Variants in PATJ observed in about 807,000 individuals in gnomAD.
PATJ encodes PATJ crumbs cell polarity complex component.
A neutral mutation model predicts 224.9 loss-of-function variants in PATJ; 190 were observed. The observed-to-expected ratio is 0.84, with a 90% confidence interval of 0.75 to 0.95. The LOEUF is 0.95. Ranked by LOEUF, PATJ falls within the 40% of genes least tolerant of loss-of-function variation. The pLI is 0.00. For missense variants in PATJ, 2,121 were observed against 2,270.3 expected, an observed-to-expected ratio of 0.93 and a Z score of 1.34; for synonymous variants, 769 against 820.3, an observed-to-expected ratio of 0.94 and a Z score of 1.07.
At chr1:62,120,818 G>C in intron 37 of PATJ, 1 of 193,326 alleles carries the variant, frequency 5.2e-6, no homozygotes, top group Non-Finnish European at 1.0e-5. Context: ...AACCCCAAAT[G>C]AAACATAGTG....
intron 26 of PATJ, among the ~76,000 whole-genome samples, chr1:61,918,626 A>C (rs1673810040): frequency 6.6e-6 from 1 of 151,994 alleles, no homozygotes; most frequent in Non-Finnish European, 1.5e-5. Flanking sequence ...TCTTAACTTT[A>C]ATCATCTCTG....
chr1:61,908,981 C>T (rs1349415150), intron 25 of PATJ, among the ~76,000 whole-genome samples: 1 of 152,048 alleles, frequency 6.6e-6, no homozygotes. Context: ...TAAAATTTTT[C>T]TTTTTCTTCT....
chr1:62,162,840 C>T lies in PATJ; in HGVS notation c.*1786C>T, dbSNP rs1468153555. 3.1e-5 allele frequency: 8 copies of T among 259,268 alleles called. No homozygotes were observed. The highest frequency in any genetic ancestry group is 5.4e-5 in the Non-Finnish European group (7 of 129,294). The allele number at this position is 259,268 out of a possible 1,614,324, so 16.1% of individuals were successfully genotyped here. A position where few individuals can be genotyped will look rare whatever the true frequency, so the allele number is the denominator to read the frequency against. Reference sequence around the variant, plus strand: ...CAGGCGCCTGTAATCCCAGCTACTCCGGAGGTTGAAGCAGGAAAATTGCTT... The same window carrying T: ...CAGGCGCCTGTAATCCCAGCTACTCTGGAGGTTGAAGCAGGAAAATTGCTT... On this transcript the variant is annotated 3_prime_UTR_variant, in exon 44 of 44. Coordinates refer to ENST00000642238, the MANE Select transcript of PATJ (RefSeq NM_001350145.3).
In PATJ at chr1:61,871,412, T is replaced by TAC. The variant is rs1553185926; in HGVS notation, c.2836-3829_2836-3828dup. Among the ~76,000 whole-genome samples, 137 of 103,106 alleles carry TAC rather than the reference T, an allele frequency of 1.3e-3. 8 individuals carry two copies. In the South Asian group the frequency reaches 0.023, roughly 17 times the overall value. The allele number at this position is 103,106 out of a possible 152,430, so 67.6% of individuals were successfully genotyped here. On this transcript the variant is annotated intron_variant, in intron 20 of 43. Coordinates refer to ENST00000642238, the MANE Select transcript of PATJ (RefSeq NM_001350145.3). The stretch of plus-strand genomic sequence containing the variant: ...GTATATATATATATGTGTATATATA[T>TAC]ACATATATATGTACATATATATGTG...
chr1:61,790,822 G>C (rs914619574), intron 8 of PATJ, among the ~76,000 whole-genome samples: 2 of 151,454 alleles, frequency 1.3e-5, no homozygotes, highest in Non-Finnish European at 2.9e-5. Flanking sequence ...CCTCTGCTTA[G>C]CTTCTTACAA....
intron 41 of PATJ, among the ~76,000 whole-genome samples, chr1:62,141,806 T>TA (rs1229191047): frequency 3.9e-5 from 6 of 151,974 alleles, no homozygotes; most frequent in African/African-American, 1.4e-4. Flanking sequence ...CCATCTCTAC[T>TA]AAAAATACAA....
intron 28 of PATJ, among the ~76,000 whole-genome samples, chr1:62,015,566 T>C (rs1646726546): frequency 6.6e-6 from 1 of 152,030 alleles, no homozygotes; most frequent in Non-Finnish European, 1.5e-5. Context: ...GGACTCTCAC[T>C]CTGTCACCTA....
At chr1:61,754,306 C>G (rs559978719) in intron 1 of PATJ, among the ~76,000 whole-genome samples, 6 of 152,166 alleles carry the variant, frequency 3.9e-5, no homozygotes, top group African/African-American at 1.4e-4. Flanking sequence ...ATGACCATAC[C>G]CTGAGTGAGA....
chr1:61,827,678 T>G (rs1658520772), intron 16 of PATJ, 95 bp downstream of exon 16: 1 of 1,143,816 alleles, frequency 8.7e-7, no homozygotes, highest in Admixed American at 2.6e-5. Context: ...GGGAAACCAT[T>G]CCACTCTGCT....
intron 20 of PATJ, among the ~76,000 whole-genome samples, chr1:61,869,231 CA>C (rs1665924591): frequency 6.8e-6 from 1 of 148,118 alleles, no homozygotes; most frequent in Admixed American, 6.7e-5. Context: ...CTCAGCCTCC[CA>C]AGTAGCTGGG....
chr1:61,764,765 C>A (rs1025899787), intron 3 of PATJ, among the ~76,000 whole-genome samples: 1 of 152,056 alleles, frequency 6.6e-6, no homozygotes, highest in South Asian at 2.1e-4. Flanking sequence ...TTTCTTTAGA[C>A]CAGAATTTAT....
chr1:61,986,325 T>G (rs760215136), intron 27 of PATJ, among the ~76,000 whole-genome samples: 1 of 152,154 alleles, frequency 6.6e-6, no homozygotes, highest in Non-Finnish European at 1.5e-5. Flanking sequence ...GATTTTAAAA[T>G]GTACCAACTT....
At chr1:61,953,792 C>G (rs1425286062) in intron 27 of PATJ, among the ~76,000 whole-genome samples, 3 of 152,114 alleles carry the variant, frequency 2.0e-5, no homozygotes, top group Non-Finnish European at 4.4e-5. Flanking sequence ...TTTTAAAAAT[C>G]TATTTCTCCA....
chr1:61,788,399 T>C (rs1347706960), intron 8 of PATJ, among the ~76,000 whole-genome samples: 1 of 151,992 alleles, frequency 6.6e-6, no homozygotes, highest in African/African-American at 2.4e-5. Flanking sequence ...AGTTATTATT[T>C]TAAATTATCA....
At chr1:61,869,165 G>GAT (rs1665894343) in intron 20 of PATJ, among the ~76,000 whole-genome samples, 2 of 140,692 alleles carry the variant, frequency 1.4e-5, no homozygotes, top group Admixed American at 7.0e-5. Context: ...GGAGTGCAGT[G>GAT]GCGCCATCTC....
At chr1:61,972,375 G>A (rs1683102614) in intron 27 of PATJ, among the ~76,000 whole-genome samples, 1 of 151,966 alleles carries the variant, frequency 6.6e-6, no homozygotes, top group Non-Finnish European at 1.5e-5. Context: ...TGCTCAACTT[G>A]TATTAAACAA....
intron 43 of PATJ, among the ~76,000 whole-genome samples, chr1:62,153,826 G>A (rs780846439): frequency 1.3e-5 from 2 of 152,162 alleles, no homozygotes; most frequent in African/African-American, 4.8e-5. Flanking sequence ...AAAAGATTTG[G>A]CTTTCTTCTT....
chr1:61,980,779 C>T (rs1005953213), intron 27 of PATJ, among the ~76,000 whole-genome samples: 12 of 152,080 alleles, frequency 7.9e-5, no homozygotes, highest in African/African-American at 1.7e-4. Context: ...TCTGATACTG[C>T]GCAACAGTTT....
At chr1:61,978,369 G>A (rs1388457260) in intron 27 of PATJ, among the ~76,000 whole-genome samples, 5 of 151,728 alleles carry the variant, frequency 3.3e-5, no homozygotes, top group Admixed American at 6.6e-5. Context: ...AGGTTCAAGC[G>A]ATTCTTCTGC....
Sources: allele counts gnomAD v4.1 joint callset (sites outside exome capture counted in the v4.1 genomes callset), GRCh38; gene constraint gnomAD v4.1.1; transcripts MANE v1.5; gene names NCBI Gene and HGNC (gene_info 2026-07-23, HGNC 2026-07-21).